The following MYO16 variants were observed in gnomAD, a reference collection of about 807,000 sequenced individuals.
MYO16 encodes the protein unconventional myosin-XVI.
MYO16 carries 94 observed loss-of-function variants against 205.3 expected under a neutral mutation model. The ratio of observed to expected loss-of-function variants is 0.46; its 90% CI spans 0.39 to 0.54. MYO16 has a LOEUF of 0.54. MYO16 is among the 20% of genes least tolerant of loss of function. The pLI is 0.00. For missense variants in MYO16, 2,315 were observed against 2,387.5 expected, an observed-to-expected ratio of 0.97 and a Z score of 0.63; for synonymous variants, 988 against 954.0, an observed-to-expected ratio of 1.04 and a Z score of -0.66.
At chr13:108,541,069 A>G in the MYO16 span, among the ~76,000 whole-genome samples, 6 of 152,114 alleles carry the variant, frequency 3.9e-5, no homozygotes, top group Admixed American at 6.6e-5. Flanking sequence ...CTTTCCTTGC[A>G]GGAAGACCAC....
chr13:108,794,322 A>G (rs1886714612), intron 6 of MYO16, among the ~76,000 whole-genome samples: 2 of 152,216 alleles, frequency 1.3e-5, no homozygotes, highest in South Asian at 2.1e-4. Flanking sequence ...CACTGAGCCT[A>G]AAATAAAATT....
intron 11 of MYO16, among the ~76,000 whole-genome samples, 166 bp downstream of exon 11, chr13:108,855,719 G>A (rs912181277): frequency 6.6e-6 from 1 of 152,194 alleles, no homozygotes; most frequent in East Asian, 1.9e-4. Flanking sequence ...TTCTGGCTCA[G>A]TTATAAGGCA....
intron 33 of MYO16, among the ~76,000 whole-genome samples, chr13:109,178,139 C>T (rs558788607): frequency 2.0e-4 from 31 of 152,140 alleles, no homozygotes; most frequent in Non-Finnish European, 3.8e-4. Flanking sequence ...CACTCCCTTC[C>T]GCCTGTGTGA....
chr13:109,042,021 C>T (rs1886900555), intron 23 of MYO16, among the ~76,000 whole-genome samples: 1 of 152,084 alleles, frequency 6.6e-6, no homozygotes, highest in Non-Finnish European at 1.5e-5. Flanking sequence ...TATACCACCA[C>T]ACCTGGCTAG....
At chr13:108,591,088 G>T in the MYO16 span, among the ~76,000 whole-genome samples, 4 of 152,142 alleles carry the variant, frequency 2.6e-5, no homozygotes, top group African/African-American at 9.7e-5. Context: ...CTGCAGCTCT[G>T]TAGGCCCTTG....
chr13:109,082,196 A>G (rs1485825515), intron 27 of MYO16, among the ~76,000 whole-genome samples: 3 of 152,174 alleles, frequency 2.0e-5, no homozygotes, highest in Non-Finnish European at 2.9e-5. Context: ...TTATCAGCAT[A>G]CCTAGTCTCT....
At chr13:108,508,370 T>G in the MYO16 span, among the ~76,000 whole-genome samples, 7 of 152,186 alleles carry the variant, frequency 4.6e-5, no homozygotes, top group African/African-American at 1.4e-4. Flanking sequence ...TTTTTGGGGA[T>G]GCACTTTCTC....
intron 1 of MYO16, among the ~76,000 whole-genome samples, chr13:108,598,088 G>A (rs930882526): frequency 5.3e-5 from 8 of 152,264 alleles, no homozygotes; most frequent in Middle Eastern, 6.8e-3. Flanking sequence ...GGAGATAGCC[G>A]CTTTAGTGAG....
At chr13:108,797,232 T>A (rs1173377855) in intron 6 of MYO16, among the ~76,000 whole-genome samples, 1 of 152,190 alleles carries the variant, frequency 6.6e-6, no homozygotes, top group South Asian at 2.1e-4. Context: ...AAGTTTGAAG[T>A]GTCTCTTAGC....
chr13:108,676,167 G>A (rs114352423), intron 2 of MYO16, among the ~76,000 whole-genome samples: 2,071 of 152,126 alleles, frequency 0.014, 41 homozygotes, highest in African/African-American at 0.045. Context: ...AACGTTTTAG[G>A]CAATCATATT....
At chr13:109,177,342 A>G (rs1308337890) in intron 33 of MYO16, among the ~76,000 whole-genome samples, 1 of 152,042 alleles carries the variant, frequency 6.6e-6, no homozygotes, top group African/African-American at 2.4e-5. Flanking sequence ...TCTTCCTTGT[A>G]TTTCTCAGCG....
At chr13:109,016,698 C>A (rs1175462974) in intron 22 of MYO16, among the ~76,000 whole-genome samples, 1 of 152,092 alleles carries the variant, frequency 6.6e-6, no homozygotes, top group Non-Finnish European at 1.5e-5. Context: ...GAATTGATCT[C>A]TTTACCATTA....
chr13:108,549,116 G>A, the MYO16 span, among the ~76,000 whole-genome samples: 1 of 152,278 alleles, frequency 6.6e-6, no homozygotes, highest in East Asian at 1.9e-4. Flanking sequence ...AATGCTTCTT[G>A]AAGATGTCCA....
the MYO16 span, among the ~76,000 whole-genome samples, chr13:108,532,241 A>G: frequency 6.6e-6 from 1 of 151,864 alleles, no homozygotes; most frequent in Non-Finnish European, 1.5e-5. Context: ...AAATAAATAA[A>G]TGAAAAATAA....
intron 27 of MYO16, among the ~76,000 whole-genome samples, chr13:109,095,152 G>A (rs1046977840): frequency 8.5e-5 from 13 of 152,210 alleles, no homozygotes; most frequent in Non-Finnish European, 2.9e-5. Context: ...GGAAGAGCAG[G>A]CTGTCTGGAA....
chr13:108,932,692 A>T (rs773233806), intron 16 of MYO16, among the ~76,000 whole-genome samples: 1 of 152,134 alleles, frequency 6.6e-6, no homozygotes, highest in Non-Finnish European at 1.5e-5. Flanking sequence ...CTGGCTGTGC[A>T]TCTGTGGGCA....
chr13:109,089,588 A>T (rs1888555837), intron 27 of MYO16, among the ~76,000 whole-genome samples: 1 of 152,174 alleles, frequency 6.6e-6, no homozygotes, highest in African/African-American at 2.4e-5. Context: ...TTCAAACACT[A>T]AAACAATAGG....
Position 109,153,243 on chromosome 13 carries a change from A to G in MYO16, c.5165-11658A>G, listed in dbSNP as rs948109983. On this transcript the variant is annotated intron_variant, in intron 32 of 34. Transcript: ENST00000457511. ...GGGAGGATTTATACGGGCAAATAGG[A>G]AACAAAATCTCCAAAGAGAAAGCAT... is the stretch of plus-strand genomic sequence containing the variant. Among the ~76,000 whole-genome samples the G allele has an allele frequency of 5.9e-5, 9 of 152,240 alleles. No homozygotes were observed. The East Asian group carries it at 1.7e-3, about 29-fold the overall frequency.
chr13:109,142,156 C>T (rs1877130069), intron 32 of MYO16, among the ~76,000 whole-genome samples: 1 of 152,376 alleles, frequency 6.6e-6, no homozygotes, highest in East Asian at 1.9e-4. Flanking sequence ...TGGCTAACCA[C>T]ATGGCTCTTC....
Sources: gnomAD v4.1 joint callset for allele counts (sites outside exome capture counted in the v4.1 genomes callset) on GRCh38, gnomAD v4.1.1 for gene constraint, MANE v1.5 for transcripts, NCBI Gene and HGNC (gene_info 2026-07-23, HGNC 2026-07-21) for gene names.